Variants in DOCK8 observed in about 807,000 individuals in gnomAD.
The protein encoded by DOCK8 is dedicator of cytokinesis 8, also known as dedicator of cytokinesis protein 8.
In DOCK8, 141 loss-of-function variants were observed where a neutral mutation model predicts 245.6. The observed-to-expected ratio is 0.57, with a 90% CI of 0.50 to 0.66. The LOEUF (loss-of-function observed/expected upper bound fraction) is 0.66. Ranked by LOEUF, DOCK8 falls within the 30% of genes least tolerant of loss-of-function variation. The pLI is 0.00. For missense variants in DOCK8, 2,965 were observed against 2,603.4 expected, an observed-to-expected ratio of 1.14 and a Z score of -3.02; for synonymous variants, 1,168 against 970.2, an observed-to-expected ratio of 1.20 and a Z score of -3.79.
chr9:377,264 C>G, intron 20 of DOCK8, 53 bp downstream of exon 20: 2 of 1,467,208 alleles, frequency 1.4e-6, no homozygotes, highest in South Asian at 2.5e-5. Context: ...CAAGCATTGC[C>G]TTCTTTAATG....
chr9:403,972 A>ACG (rs2055286412), intron 26 of DOCK8, among the ~76,000 whole-genome samples: 2 of 71,260 alleles, frequency 2.8e-5, no homozygotes, highest in African/African-American at 2.1e-4. Flanking sequence ...ATATATATAT[A>ACG]TATGTGTATA....
intron 1 of DOCK8, among the ~76,000 whole-genome samples, chr9:237,907 G>GA (rs139095867): frequency 0.089 from 13,513 of 151,914 alleles, 809 homozygotes; most frequent in Non-Finnish European, 0.14. Context: ...TTTTATTTGA[G>GA]AAAAAAACAA....
intron 9 of DOCK8, among the ~76,000 whole-genome samples, chr9:328,744 C>G (rs1201806765): frequency 6.6e-6 from 1 of 151,376 alleles, no homozygotes; most frequent in Non-Finnish European, 1.5e-5. Context: ...TTTCTTCTTA[C>G]CATGTCACAG....
chr9:345,771 T>G (rs2051853449), intron 14 of DOCK8, among the ~76,000 whole-genome samples: 1 of 152,054 alleles, frequency 6.6e-6, no homozygotes, highest in Non-Finnish European at 1.5e-5. Context: ...TCTAGTGTAT[T>G]AGGTTGGTGC....
chr9:280,601 G>A (rs1168730819), intron 2 of DOCK8, among the ~76,000 whole-genome samples: 1 of 152,146 alleles, frequency 6.6e-6, no homozygotes, highest in Non-Finnish European at 1.5e-5. Flanking sequence ...TCTTAGAAAA[G>A]GCTTCCCACT....
At position 463,692 on chromosome 9, in the gene DOCK8, G is replaced by A. The variant is rs1277476365; in HGVS notation, c.6239+5G>A. 1.1e-5 allele frequency: 18 copies of A among 1,613,638 alleles called. No homozygotes were observed. The highest frequency in any genetic ancestry group is 1.4e-5 in the Non-Finnish European group (17 of 1,180,030). ...CAGAGTTGAGAGTCAAAAGAGGTAA[G>A]AACAGGGCAGAGGAGGCCTCTTCCT... On this transcript the variant is annotated splice_donor_5th_base_variant and intron_variant, in intron 47 of 47. Coordinates refer to ENST00000432829, the MANE Select transcript of DOCK8 (RefSeq NM_203447.4).
At chr9:441,493 T>C in intron 41 of DOCK8, 76 bp downstream of exon 41, 3 of 1,603,476 alleles carry the variant, frequency 1.9e-6, no homozygotes, top group Non-Finnish European at 2.6e-6. Context: ...TTAGCCATCC[T>C]TCCTCTCCAG....
At chr9:293,440 T>C (rs2049129401) in intron 4 of DOCK8, among the ~76,000 whole-genome samples, 1 of 152,334 alleles carries the variant, frequency 6.6e-6, no homozygotes, top group South Asian at 2.1e-4. Flanking sequence ...TTTAGAATGA[T>C]GGTAGAAGGA....
intron 44 of DOCK8, among the ~76,000 whole-genome samples, chr9:447,159 C>T (rs933111746): frequency 1.3e-5 from 2 of 152,110 alleles, no homozygotes; most frequent in Non-Finnish European, 2.9e-5. Context: ...TATGCATTAG[C>T]AGGAAAGACC....
At chr9:348,863 C>G (rs1323100486) in intron 14 of DOCK8, among the ~76,000 whole-genome samples, 3 of 152,148 alleles carry the variant, frequency 2.0e-5, no homozygotes, top group Non-Finnish European at 4.4e-5. Context: ...ATCCTCAGTT[C>G]TGACCTCCTC....
intron 1 of DOCK8, among the ~76,000 whole-genome samples, chr9:218,340 T>C (rs1034441317): frequency 1.3e-5 from 2 of 152,364 alleles, no homozygotes; most frequent in African/African-American, 4.8e-5. Context: ...AAGCGTTCAG[T>C]TCTGACCACA....
chr9:236,682 A>G (rs1260654753), intron 1 of DOCK8, among the ~76,000 whole-genome samples: 1 of 152,188 alleles, frequency 6.6e-6, no homozygotes, highest in Non-Finnish European at 1.5e-5. Flanking sequence ...AGAACAAACA[A>G]TCTCAAAATC....
chr9:218,130 TA>T (rs1305134815), intron 1 of DOCK8, among the ~76,000 whole-genome samples: 12 of 152,324 alleles, frequency 7.9e-5, no homozygotes, highest in Non-Finnish European at 1.3e-4. Context: ...GCCTACCTAT[TA>T]TTTTTTTTAA....
intron 2 of DOCK8, among the ~76,000 whole-genome samples, chr9:278,890 T>C (rs183448015): frequency 6.8e-4 from 104 of 152,244 alleles, no homozygotes; most frequent in Non-Finnish European, 1.3e-3. Flanking sequence ...GCTGTGAGCA[T>C]TGAGGTTGGG....
At chr9:298,971 G>T (rs1420983192) in intron 4 of DOCK8, among the ~76,000 whole-genome samples, 2 of 150,814 alleles carry the variant, frequency 1.3e-5, no homozygotes, top group African/African-American at 4.9e-5. Context: ...TTGTTTCAAT[G>T]TTAGGATAAA....
intron 26 of DOCK8, among the ~76,000 whole-genome samples, chr9:400,995 C>CCACCACCTCCACCAT (rs2055052331): frequency 1.8e-5 from 1 of 54,634 alleles, no homozygotes; most frequent in South Asian, 6.7e-4. Flanking sequence ...TCCTCCACCA[C>CCACCACCTCCACCAT]CACCACCATT....
At chr9:430,511 C>G (rs988952464) in intron 36 of DOCK8, among the ~76,000 whole-genome samples, 4 of 151,806 alleles carry the variant, frequency 2.6e-5, no homozygotes, top group Non-Finnish European at 4.4e-5. Context: ...GTGAAACCCC[C>G]GTCTCTACAA....
intron 14 of DOCK8, among the ~76,000 whole-genome samples, chr9:344,142 G>A (rs932920810): frequency 6.6e-6 from 1 of 152,114 alleles, no homozygotes; most frequent in Non-Finnish European, 1.5e-5. Context: ...AAATGCCAAG[G>A]CCACCCTGTT....
At chr9:393,224 G>A (rs115435967) in intron 24 of DOCK8, among the ~76,000 whole-genome samples, 1 of 151,310 alleles carries the variant, frequency 6.6e-6, no homozygotes, top group East Asian at 1.9e-4. Flanking sequence ...GTGGTTCCAT[G>A]TGGCATCTTA....
Sources: gnomAD v4.1 joint callset for allele counts (sites outside exome capture counted in the v4.1 genomes callset) on GRCh38, gnomAD v4.1.1 for gene constraint, MANE v1.5 for transcripts, NCBI Gene and HGNC (gene_info 2026-07-23, HGNC 2026-07-21) for gene names.